The following MTA3 variants were observed in gnomAD, a reference collection of about 807,000 sequenced individuals.
MTA3 encodes the protein metastasis associated 1 family member 3, also known as metastasis-associated protein MTA3.
A neutral mutation model predicts 83.5 loss-of-function variants in MTA3; 34 were observed. The ratio of observed to expected loss-of-function variants is 0.41; its 90% confidence interval spans 0.31 to 0.54. MTA3 has a LOEUF of 0.54. Among genes scored for constraint, MTA3 ranks in the 20% least tolerant of loss-of-function variants. The pLI is 0.33. For missense variants in MTA3, 761 were observed against 726.4 expected, an observed-to-expected ratio of 1.05 and a Z score of -0.55; for synonymous variants, 303 against 252.7, an observed-to-expected ratio of 1.20 and a Z score of -1.89.
chr2:42,712,458 T>C (rs1180561950), intron 14 of MTA3, among the ~76,000 whole-genome samples: 2 of 152,098 alleles, frequency 1.3e-5, no homozygotes, highest in Non-Finnish European at 2.9e-5. Context: ...CACCGGTTAA[T>C]TTATTTTTTT....
At chr2:42,500,568 A>G (rs911758613) in intron 2 of MTA3, among the ~76,000 whole-genome samples, 2 of 152,116 alleles carry the variant, frequency 1.3e-5, no homozygotes, top group Non-Finnish European at 2.9e-5. Context: ...AGATACAAGA[A>G]AAAACGTAAA....
At chr2:42,641,318 A>C (rs542609062) in intron 5 of MTA3, among the ~76,000 whole-genome samples, 2 of 151,854 alleles carry the variant, frequency 1.3e-5, no homozygotes, top group Admixed American at 6.6e-5. Flanking sequence ...CCCACTATAC[A>C]TTAGAAAACC....
intron 16 of MTA3, among the ~76,000 whole-genome samples, chr2:42,748,950 A>G (rs558047770): frequency 2.0e-5 from 3 of 152,340 alleles, no homozygotes; most frequent in Non-Finnish European, 2.9e-5. Flanking sequence ...TGGGATTTCA[A>G]TGGAAAGACC....
At chr2:42,683,100 C>T (rs1038187553) in intron 9 of MTA3, among the ~76,000 whole-genome samples, 1 of 152,160 alleles carries the variant, frequency 6.6e-6, no homozygotes, top group Admixed American at 6.6e-5. Context: ...AAAACCCCTA[C>T]ACTATCAGGA....
intron 9 of MTA3, among the ~76,000 whole-genome samples, chr2:42,689,741 ACT>A (rs1166062540): frequency 7.2e-6 from 1 of 138,134 alleles, no homozygotes; most frequent in Non-Finnish European, 1.5e-5. Context: ...ATTTACATCT[ACT>A]CTCTCGTTCC....
intron 11 of MTA3, chr2:42,703,903 A>AT (rs1203952475): frequency 8.5e-6 from 2 of 235,828 alleles, no homozygotes; most frequent in Non-Finnish European, 1.7e-5. Context: ...AAAAAAAAAA[A>AT]AGTGTCAGAG....
At chr2:42,565,415 G>C (rs754970352), upstream of MTA3, among the ~76,000 whole-genome samples, 5 of 148,598 alleles carry the variant, frequency 3.4e-5, no homozygotes, top group Non-Finnish European at 7.4e-5. Context: ...TGATCCTCCT[G>C]CCTTGGCCTC....
chr2:42,631,701 A>T (rs999554247), intron 4 of MTA3, among the ~76,000 whole-genome samples: 1 of 152,052 alleles, frequency 6.6e-6, no homozygotes, highest in African/African-American at 2.4e-5. Context: ...TTTTATTATT[A>T]TTTTTTGAGA....
At position 42,751,594 on chromosome 2, in the gene MTA3, T is replaced by A. The variant is rs905217241; in HGVS notation, c.1760-1780T>A. Among the ~76,000 whole-genome samples, 12 of 152,246 alleles carry A rather than the reference T, an allele frequency of 7.9e-5. No individual in the cohort carries two copies. The East Asian group carries it at 2.3e-3, about 29-fold the overall frequency. On this transcript the variant is annotated intron_variant, in intron 16 of 16. Transcript: ENST00000405094. ...AATACAGAGAGGTGGCCTGTCTCAA[T>A]TGAAAACCGTGGCCAGGGTGGAGAA...
chr2:42,638,423 C>G (rs1047732037), intron 4 of MTA3, among the ~76,000 whole-genome samples: 4 of 151,762 alleles, frequency 2.6e-5, no homozygotes, highest in South Asian at 2.1e-4. Flanking sequence ...GGGTCTTGCT[C>G]TTTTGCCCAG....
intron 8 of MTA3, among the ~76,000 whole-genome samples, chr2:42,677,302 C>G (rs564321693): frequency 6.6e-6 from 1 of 151,886 alleles, no homozygotes; most frequent in African/African-American, 2.4e-5. Context: ...GTGCTGTTCT[C>G]GTGATAGTGA....
chr2:42,576,426 G>A (rs377480570), intron 2 of MTA3, among the ~76,000 whole-genome samples: 3 of 152,160 alleles, frequency 2.0e-5, no homozygotes, highest in Non-Finnish European at 4.4e-5. Flanking sequence ...AATTGGCTAG[G>A]TAGGGAAAGT....
chr2:42,715,137 G>C (rs965377826), intron 14 of MTA3, among the ~76,000 whole-genome samples: 48 of 152,200 alleles, frequency 3.2e-4, no homozygotes. Flanking sequence ...TCTCCCTGTT[G>C]AAGTGGAGTT....
At position 42,609,318 on chromosome 2, in the gene MTA3, C is replaced by A. The variant is rs1246754929; in HGVS notation, c.191-140C>A. On this transcript the variant is annotated intron_variant, in intron 3 of 16. Transcript: ENST00000405094. ...AATGCTTAGGATTACAAGCATGAGC[C>A]ACTGCACCTGGCAAATGTTTAAATT... 4.5e-6 allele frequency: 4 copies of A among 891,338 alleles called. No individual in the cohort carries two copies. In the South Asian group the frequency reaches 7.1e-5, roughly 16 times the overall value. 55.2% of individuals were successfully genotyped at this position (891,338 alleles called of 1,614,324 possible). A position where few individuals can be genotyped will look rare whatever the true frequency, so the allele number is the denominator to read the frequency against.
At chr2:42,627,725 A>ATTTTTTTTTTTTTTTTTTTTTTTTTTT (rs869227831) in intron 4 of MTA3, among the ~76,000 whole-genome samples, 1 of 103,384 alleles carries the variant, frequency 9.7e-6, no homozygotes. Context: ...GCCTGGCTAA[A>ATTTTTTTTTTTTTTTTTTTTTTTTTTT]TTTTTTTTTT....
At chr2:42,553,012 C>A (rs935249472) in intron 2 of MTA3, among the ~76,000 whole-genome samples, 1 of 151,500 alleles carries the variant, frequency 6.6e-6, no homozygotes, top group Non-Finnish European at 1.5e-5. Flanking sequence ...TATGATGGCT[C>A]ACACCTATAA....
Position 42,707,946 on chromosome 2 carries a change from G to T in MTA3, c.1194G>T (p.Met398Ile). The change falls in exon 13 of 17, where the codon ATG (methionine) becomes ATT (isoleucine). Residue 398 changes from methionine (M) to isoleucine (I), a missense_variant. By Grantham distance (10) the Met-to-Ile change is conservative (BLOSUM62 1). Transcript: ENST00000405094. ...HQWYSWGPPN[M>I]QCRLCAICWL... ...GGTATTCTTGGGGCCCACCTAATAT[G>T]CAGTGTAGATTATGTGCAATTTGTT... 1.2e-6 allele frequency: 2 copies of T among 1,611,768 alleles called. No individual in the cohort carries two copies. Among genetic ancestry groups the T allele is most frequent in the Non-Finnish European group, 1.7e-6 (2 of 1,179,332 alleles).
intron 4 of MTA3, among the ~76,000 whole-genome samples, chr2:42,623,060 G>T (rs1685734699): frequency 6.6e-6 from 1 of 152,358 alleles, no homozygotes; most frequent in African/African-American, 2.4e-5. Context: ...AAAGGTAGTT[G>T]TTTTAGTAAA....
chr2:42,496,283 C>G (rs1383724632), intron 2 of MTA3, among the ~76,000 whole-genome samples: 1 of 152,092 alleles, frequency 6.6e-6, no homozygotes, highest in Non-Finnish European at 1.5e-5. Context: ...TCATTTGTTT[C>G]AAGAGTAATA....
Sources: gnomAD v4.1 joint callset for allele counts (sites outside exome capture counted in the v4.1 genomes callset) on GRCh38, gnomAD v4.1.1 for gene constraint, MANE v1.5 for transcripts, NCBI Gene and HGNC (gene_info 2026-07-23, HGNC 2026-07-21) for gene names.